HSPA12A: variants seen among roughly 807,000 people sequenced by gnomAD.
HSPA12A encodes the protein heat shock protein family A (Hsp70) member 12A.
Under a neutral mutation model 69.2 loss-of-function variants are expected in HSPA12A, and 28 were observed. The ratio of observed to expected loss-of-function variants is 0.40; its 90% CI spans 0.30 to 0.55. HSPA12A has a LOEUF of 0.55. Ranked by LOEUF, HSPA12A falls within the 20% of genes least tolerant of loss-of-function variation. The pLI is 0.38. For synonymous variants in HSPA12A, 345 were observed against 370.5 expected (o/e 0.93, Z 0.79); for missense variants, 686 against 900.7 (o/e 0.76, Z 3.05).
intron 2 of HSPA12A, among the ~76,000 whole-genome samples, chr10:116,776,847 G>T (rs1201954398): frequency 1.3e-5 from 2 of 152,222 alleles, no homozygotes; most frequent in Non-Finnish European, 2.9e-5. Context: ...AAAGTTTGAT[G>T]CAAATATGAT....
At chr10:116,773,577 A>G (rs782477046) in intron 2 of HSPA12A, among the ~76,000 whole-genome samples, 5 of 152,148 alleles carry the variant, frequency 3.3e-5, no homozygotes, top group Non-Finnish European at 7.4e-5. Context: ...CTCAACCTTG[A>G]CTGATGCTAA....
intron 2 of HSPA12A, among the ~76,000 whole-genome samples, chr10:116,769,732 A>G (rs1177427336): frequency 2.6e-5 from 4 of 151,988 alleles, no homozygotes; most frequent in African/African-American, 9.7e-5. Context: ...TCAGTTATCA[A>G]CTCTCCTGGA....
intron 1 of HSPA12A, among the ~76,000 whole-genome samples, chr10:116,839,820 C>G (rs995931991): frequency 6.6e-6 from 1 of 152,024 alleles, no homozygotes; most frequent in Non-Finnish European, 1.5e-5. Context: ...CCTGATGTGG[C>G]AGCTGAGCCT....
intron 2 of HSPA12A, among the ~76,000 whole-genome samples, chr10:116,763,486 A>G (rs144183376): frequency 0.018 from 2,770 of 152,254 alleles, 74 homozygotes; most frequent in African/African-American, 0.059. Context: ...TTCTGCATAC[A>G]TCGCTTCTGT....
At chr10:116,727,752 GTTTT>G (rs71859215) in intron 1 of HSPA12A, among the ~76,000 whole-genome samples, 3 of 131,382 alleles carry the variant, frequency 2.3e-5, no homozygotes, top group Non-Finnish European at 4.7e-5. Flanking sequence ...ATGTAAGTGG[GTTTT>G]TTTTTTTTTT....
At chr10:116,759,435 T>G (rs1843923595) in intron 2 of HSPA12A, among the ~76,000 whole-genome samples, 1 of 152,148 alleles carries the variant, frequency 6.6e-6, no homozygotes, top group Admixed American at 6.5e-5. Flanking sequence ...CCTCACTTCT[T>G]ATTGGACAGA....
intron 10 of HSPA12A, among the ~76,000 whole-genome samples, chr10:116,678,350 A>AC (rs1849302440): frequency 6.8e-6 from 1 of 147,622 alleles, no homozygotes; most frequent in East Asian, 2.0e-4. Flanking sequence ...CCAACTTGCA[A>AC]AAAAAAAAAA....
chr10:116,710,934 G>A lies in HSPA12A; in HGVS notation c.41-3649C>T, dbSNP rs945774360. 2.0e-5 allele frequency among the ~76,000 whole-genome samples: 3 copies of A among 152,186 alleles called. No individual in the cohort carries two copies. Among genetic ancestry groups the A allele is most frequent in the East Asian group, 1.9e-4 (1 of 5,188 alleles). Reference sequence around the variant, plus strand: ...AACGGAAAAGCCTATCTCACCCCCTGAGGAGAATGGGGAGTTTAATTCTGA... The same window carrying A: ...AACGGAAAAGCCTATCTCACCCCCTAAGGAGAATGGGGAGTTTAATTCTGA... On this transcript the variant is annotated intron_variant, in intron 1 of 11. Coordinates refer to ENST00000369209, the MANE Select transcript of HSPA12A (RefSeq NM_025015.3). This position sits in a 1 kb window ranked among gnomAD's most constrained non-coding sequence, Gnocchi z 4.1.
At chr10:116,842,856 G>C (rs540648272) in intron 1 of HSPA12A, among the ~76,000 whole-genome samples, 2 of 152,284 alleles carry the variant, frequency 1.3e-5, no homozygotes, top group African/African-American at 4.8e-5. Flanking sequence ...GCCTCCCAAA[G>C]TGTTGAGATT....
intron 2 of HSPA12A, among the ~76,000 whole-genome samples, chr10:116,826,894 A>G (rs1458691218): frequency 3.3e-5 from 5 of 152,170 alleles, no homozygotes; most frequent in African/African-American, 9.7e-5. Flanking sequence ...CTAAAACCCA[A>G]TGAGGCGGAT....
At chr10:116,818,824 G>C (rs1225807070) in intron 2 of HSPA12A, among the ~76,000 whole-genome samples, 1 of 152,122 alleles carries the variant, frequency 6.6e-6, no homozygotes, top group Non-Finnish European at 1.5e-5. Flanking sequence ...ATCTGTCTTG[G>C]TAAGAATTTT....
rs370737426 is a variant in HSPA12A at position 116,815,644 on chromosome 10, G to A, written c.91+19291C>T. 2.4e-4 allele frequency among the ~76,000 whole-genome samples: 37 copies of A among 152,082 alleles called. 1 individual carries two copies. The highest frequency in any genetic ancestry group is 1.8e-3 in the Admixed American group (27 of 15,260). On this transcript the variant is annotated intron_variant, in intron 2 of 12. Coordinates refer to the HSPA12A transcript ENST00000635765. ...GAAGGAACTAGGAAACTGCTACCCC[G>A]TTTTATACAGGTAAGTAGATTCTCT...
At chr10:116,705,420 C>T in intron 2 of HSPA12A, 142 bp from the exon 3 acceptor site, 14 of 1,055,926 alleles carry the variant, frequency 1.3e-5, no homozygotes, top group South Asian at 9.8e-5. Flanking sequence ...AAGTCTACCA[C>T]CTGGGGAGAA....
At chr10:116,756,864 G>T (rs1843861947) in intron 2 of HSPA12A, among the ~76,000 whole-genome samples, 2 of 152,166 alleles carry the variant, frequency 1.3e-5, no homozygotes, top group Admixed American at 1.3e-4. Context: ...AATTGAGGGT[G>T]GGCCAGTCCA....
chr10:116,849,469 G>A, intron 1 of HSPA12A: 1 of 1,417,158 alleles, frequency 7.1e-7, no homozygotes, highest in Non-Finnish European at 9.3e-7. Context: ...GAAGCCACGC[G>A]AGATCTGGGG....
intron 1 of HSPA12A, among the ~76,000 whole-genome samples, chr10:116,709,950 G>A (rs747280889): frequency 5.9e-5 from 9 of 152,148 alleles, no homozygotes; most frequent in Admixed American, 5.2e-4. Context: ...TAGCACCCAC[G>A]ACTAACAGAA....
At chr10:116,830,330 C>T (rs1281445604) in intron 2 of HSPA12A, 1 of 152,182 alleles carries the variant, frequency 6.6e-6, no homozygotes, top group Non-Finnish European at 1.5e-5. Context: ...CACGTATATT[C>T]CTCCAGACTG....
At chr10:116,817,482 C>T (rs913186930) in intron 2 of HSPA12A, among the ~76,000 whole-genome samples, 3 of 119,904 alleles carry the variant, frequency 2.5e-5, no homozygotes, top group East Asian at 2.7e-4. Flanking sequence ...TCTATTCGCT[C>T]GGTTCAAGGC....
rs537511439 is a variant in HSPA12A at position 116,703,061 on chromosome 10, T to A, written c.255-1932A>T. ...CCTTTAATGGCATATTCTTTTCCACTGGGATTTTTCATCTTGGGGGTCAGT... is the reference window on the plus strand; with the variant it reads ...CCTTTAATGGCATATTCTTTTCCACAGGGATTTTTCATCTTGGGGGTCAGT... On this transcript the variant is annotated intron_variant, in intron 3 of 11. Coordinates refer to ENST00000369209, the MANE Select transcript of HSPA12A (RefSeq NM_025015.3). Among the ~76,000 whole-genome samples the A allele has an allele frequency of 9.2e-5, 14 of 152,334 alleles. 1 individual carries two copies. In the East Asian group the frequency reaches 2.7e-3, roughly 29 times the overall value.
Sources: allele counts gnomAD v4.1 joint callset (sites outside exome capture counted in the v4.1 genomes callset), GRCh38; gene constraint gnomAD v4.1.1; non-coding constraint Gnocchi (gnomAD v3.1); transcripts MANE v1.5; gene names NCBI Gene and HGNC (gene_info 2026-07-23, HGNC 2026-07-21).